Variants in AKAIN1 observed in about 807,000 individuals in gnomAD.
AKAIN1 encodes the protein A-kinase anchor protein inhibitor 1.
A neutral mutation model predicts 3.7 loss-of-function variants in AKAIN1; 3 were observed. The observed-to-expected ratio is 0.82, with a 90% CI of 0.37 to 2.12. The LOEUF is 2.12. Among genes scored for constraint, AKAIN1 ranks in the 30% most tolerant of loss-of-function variants. The pLI is 0.06. For synonymous variants in AKAIN1, 31 were observed against 30.8 expected, an observed-to-expected ratio of 1.01 and a Z score of -0.02; for missense variants, 82 against 82.7, an observed-to-expected ratio of 0.99 and a Z score of 0.03.
At chr18:5,195,971 T>C (rs921156580) in intron 1 of AKAIN1, among the ~76,000 whole-genome samples, 1 of 152,062 alleles carries the variant, frequency 6.6e-6, no homozygotes, top group Non-Finnish European at 1.5e-5. Context: ...ACTGACTTGC[T>C]CTTCTCAAGT....
chr18:5,184,033 C>A (rs1009818), intron 1 of AKAIN1, among the ~76,000 whole-genome samples: 74,081 of 151,760 alleles, frequency 0.49, 18,269 homozygotes, highest in Middle Eastern at 0.54. Flanking sequence ...CAAAAAACAC[C>A]AAAATATGAA....
At chr18:5,150,007 G>A (rs926024062) in intron 1 of AKAIN1, among the ~76,000 whole-genome samples, 1 of 152,134 alleles carries the variant, frequency 6.6e-6, no homozygotes, top group African/African-American at 2.4e-5. Context: ...CCAGCAATAG[G>A]TTGAATAACA....
intron 1 of AKAIN1, among the ~76,000 whole-genome samples, chr18:5,193,518 T>G (rs369010731): frequency 6.6e-6 from 1 of 152,140 alleles, no homozygotes; most frequent in African/African-American, 2.4e-5. Flanking sequence ...AAGAAGGAAT[T>G]TAGGAAAAGA....
At chr18:5,174,411 G>C (rs527970407) in intron 1 of AKAIN1, among the ~76,000 whole-genome samples, 1 of 152,222 alleles carries the variant, frequency 6.6e-6, no homozygotes, top group East Asian at 1.9e-4. Context: ...AAGCAAGTTT[G>C]CCCACTTGTA....
intron 1 of AKAIN1, among the ~76,000 whole-genome samples, chr18:5,193,293 T>C (rs1296717789): frequency 6.6e-6 from 1 of 152,198 alleles, no homozygotes; most frequent in African/African-American, 2.4e-5. Flanking sequence ...CTAATTTTTA[T>C]GCAAGAAAAG....
intron 1 of AKAIN1, among the ~76,000 whole-genome samples, chr18:5,158,459 T>C (rs1174851069): frequency 6.6e-6 from 1 of 152,158 alleles, no homozygotes; most frequent in African/African-American, 2.4e-5. Context: ...CAATTAGCAG[T>C]TTCAAAATGT....
At position 5,143,447 on chromosome 18, in the gene AKAIN1, T is replaced by G. The variant is rs2071032004; in HGVS notation, c.*2115A>C. On this transcript the variant is annotated 3_prime_UTR_variant, in exon 2 of 2. Transcript: ENST00000434239. ...TCCAGACCCACTTACCTTGAATTTT[T>G]TAGATCAAAAGACCACTTCTTAGCA... 6.6e-6 allele frequency among the ~76,000 whole-genome samples: 1 copy of G among 152,180 alleles called. No homozygotes were observed. The highest frequency in any genetic ancestry group is 1.5e-5 in the Non-Finnish European group (1 of 68,030).
chr18:5,159,003 A>G (rs963825509), intron 1 of AKAIN1, among the ~76,000 whole-genome samples: 1 of 152,212 alleles, frequency 6.6e-6, no homozygotes, highest in Admixed American at 6.5e-5. Context: ...TGCTCCAGCC[A>G]TGAGTTCCCT....
At chr18:5,158,240 C>G (rs867558649) in intron 1 of AKAIN1, among the ~76,000 whole-genome samples, 3 of 152,264 alleles carry the variant, frequency 2.0e-5, no homozygotes, top group Middle Eastern at 3.4e-3. Flanking sequence ...CCCCCAATTT[C>G]TCTGCTCCCA....
intron 1 of AKAIN1, among the ~76,000 whole-genome samples, chr18:5,182,520 T>C (rs779490662): frequency 2.0e-5 from 3 of 152,084 alleles, no homozygotes; most frequent in East Asian, 1.9e-4. Context: ...TGACAGAAAT[T>C]AGTTGTTTGA....
At chr18:5,149,582 G>A (rs1470690405) in intron 1 of AKAIN1, among the ~76,000 whole-genome samples, 1 of 152,116 alleles carries the variant, frequency 6.6e-6, no homozygotes, top group East Asian at 1.9e-4. Context: ...GCACCTCTCC[G>A]CTTCTTCTAG....
chr18:5,153,496 C>A (rs1328711708), intron 1 of AKAIN1, among the ~76,000 whole-genome samples: 1 of 152,112 alleles, frequency 6.6e-6, no homozygotes, highest in Non-Finnish European at 1.5e-5. Flanking sequence ...ATATGGAACA[C>A]CTGATTTATG....
intron 1 of AKAIN1, among the ~76,000 whole-genome samples, chr18:5,161,964 T>C (rs2071141914): frequency 6.6e-6 from 1 of 152,158 alleles, no homozygotes; most frequent in Non-Finnish European, 1.5e-5. Flanking sequence ...TAGTAAAAGA[T>C]GGAGCTCTTC....
intron 1 of AKAIN1, among the ~76,000 whole-genome samples, chr18:5,162,957 A>G (rs183875539): frequency 1.8e-4 from 27 of 152,060 alleles, no homozygotes; most frequent in Admixed American, 3.9e-4. Context: ...GATAGTTACA[A>G]TGAAGATTCT....
In AKAIN1 at chr18:5,143,993, A is replaced by G. The variant is rs1243114957; in HGVS notation, c.*1569T>C. 6.6e-6 allele frequency among the ~76,000 whole-genome samples: 1 copy of G among 152,254 alleles called. No individual in the cohort carries two copies. Among genetic ancestry groups the G allele is most frequent in the Non-Finnish European group, 1.5e-5 (1 of 68,044 alleles). ...GCTATGCAATTATATCACATCAGTT[A>G]TATGACTTTTGGTCGACTTAAACTC... is the stretch of plus-strand genomic sequence containing the variant. On this transcript the variant is annotated 3_prime_UTR_variant, in exon 2 of 2. Coordinates refer to ENST00000434239, the MANE Select transcript of AKAIN1 (RefSeq NM_001145194.2).
At chr18:5,182,933 G>GACATACGGAAGA (rs1372784907) in intron 1 of AKAIN1, among the ~76,000 whole-genome samples, 1 of 152,012 alleles carries the variant, frequency 6.6e-6, no homozygotes, top group Non-Finnish European at 1.5e-5. Flanking sequence ...AAAGGTGCTG[G>GACATACGGAAGA]ACATACGGAA....
intron 1 of AKAIN1, among the ~76,000 whole-genome samples, chr18:5,180,398 G>C (rs565812317): frequency 5.7e-4 from 86 of 149,804 alleles, no homozygotes; most frequent in Admixed American, 1.6e-3. Context: ...GAGGTTCATG[G>C]GGAGAGACCT....
intron 1 of AKAIN1, among the ~76,000 whole-genome samples, chr18:5,153,402 A>G (rs536209095): frequency 6.6e-6 from 1 of 152,370 alleles, no homozygotes; most frequent in South Asian, 2.1e-4. Flanking sequence ...TTACAAAGCT[A>G]TGTCAATTAA....
intron 1 of AKAIN1, among the ~76,000 whole-genome samples, chr18:5,146,333 C>T (rs1166751060): frequency 6.6e-6 from 1 of 152,194 alleles, no homozygotes; most frequent in African/African-American, 2.4e-5. Context: ...CTGGGCATGG[C>T]TGGGCAGAAA....
Sources: allele counts gnomAD v4.1 joint callset (sites outside exome capture counted in the v4.1 genomes callset), GRCh38; gene constraint gnomAD v4.1.1; transcripts MANE v1.5; gene names NCBI Gene and HGNC (gene_info 2026-07-23, HGNC 2026-07-21).